TMPRSS15: variants seen among roughly 807,000 people sequenced by gnomAD.
TMPRSS15 encodes the protein enteropeptidase.
Under a neutral mutation model 125.3 loss-of-function variants are expected in TMPRSS15, and 128 were observed. The ratio of observed to expected loss-of-function variants is 1.02; its 90% CI spans 0.89 to 1.18. The LOEUF (loss-of-function observed/expected upper bound fraction) is 1.18, where lower values mean the gene tolerates loss of function less well. TMPRSS15 is among the 50% of genes most tolerant of loss of function. TMPRSS15 has a pLI of 0.00. For missense variants in TMPRSS15, 1,283 were observed against 1,212.7 expected (o/e 1.06, Z -0.86); for synonymous variants, 446 against 423.2 (o/e 1.05, Z -0.66).
intron 10 of TMPRSS15, among the ~76,000 whole-genome samples, chr21:18,349,218 ATT>A (rs2075539517): frequency 6.6e-6 from 1 of 152,162 alleles, no homozygotes; most frequent in South Asian, 2.1e-4. Context: ...TATGAACCTC[ATT>A]TGTCCTGAGC....
At position 18,362,177 on chromosome 21, in the gene TMPRSS15, T is replaced by C. The variant is rs116055344; in HGVS notation, c.774-2314A>G. Reference sequence around the variant, plus strand: ...AGGAAAGTAAAGCTAAGTTTGAAGCTGTTTAAATTCTGCCTCTGTTATGTC... The same window carrying C: ...AGGAAAGTAAAGCTAAGTTTGAAGCCGTTTAAATTCTGCCTCTGTTATGTC... On this transcript the variant is annotated intron_variant, in intron 7 of 24. Coordinates refer to ENST00000284885, the MANE Select transcript of TMPRSS15 (RefSeq NM_002772.3). Among the ~76,000 whole-genome samples, 1,098 of 152,258 alleles carry C rather than the reference T, an allele frequency of 7.2e-3. 14 individuals are homozygous for C. Among genetic ancestry groups the C allele is most frequent in the African/African-American group, 0.025 (1,055 of 41,562 alleles).
chr21:18,328,888 A>G (rs934219151), intron 15 of TMPRSS15, among the ~76,000 whole-genome samples: 1 of 152,220 alleles, frequency 6.6e-6, no homozygotes, highest in Non-Finnish European at 1.5e-5. Flanking sequence ...TGTATCCCAT[A>G]AATACACACA....
intron 3 of TMPRSS15, among the ~76,000 whole-genome samples, chr21:18,389,927 TC>T (rs2075976981): frequency 6.6e-6 from 1 of 152,200 alleles, no homozygotes. Context: ...ACTGTGTATC[TC>T]CAATGTCCTA....
At chr21:18,418,177 T>C (rs925472870) in intron 1 of TMPRSS15, among the ~76,000 whole-genome samples, 3 of 152,236 alleles carry the variant, frequency 2.0e-5, no homozygotes, top group African/African-American at 7.2e-5. Flanking sequence ...ATGGTTTCAT[T>C]TCACCCATTA....
At chr21:18,276,912 C>A (rs1259048140) in intron 23 of TMPRSS15, among the ~76,000 whole-genome samples, 1 of 151,792 alleles carries the variant, frequency 6.6e-6, no homozygotes, top group Non-Finnish European at 1.5e-5. Flanking sequence ...AGGTGTGTAC[C>A]ACCACGCCTG....
intron 1 of TMPRSS15, among the ~76,000 whole-genome samples, chr21:18,421,376 A>G (rs1174953250): frequency 6.6e-6 from 1 of 152,218 alleles, no homozygotes; most frequent in Non-Finnish European, 1.5e-5. Context: ...GTTACTGTGT[A>G]TAAAACTGTG....
At chr21:18,469,133 G>A (rs1460660926) in intron 1 of TMPRSS15, among the ~76,000 whole-genome samples, 2 of 152,138 alleles carry the variant, frequency 1.3e-5, no homozygotes, top group Non-Finnish European at 2.9e-5. Flanking sequence ...TGCACTGCCA[G>A]CAGTTTTCCT....
At chr21:18,480,723 A>T (rs1057135292) in intron 1 of TMPRSS15, among the ~76,000 whole-genome samples, 2 of 151,626 alleles carry the variant, frequency 1.3e-5, no homozygotes, top group Non-Finnish European at 2.9e-5. Context: ...TATCAAATCT[A>T]AAAAAAATCT....
chr21:18,386,213 G>A (rs937171271), intron 3 of TMPRSS15, among the ~76,000 whole-genome samples: 28 of 152,106 alleles, frequency 1.8e-4, no homozygotes, highest in African/African-American at 6.8e-4. Flanking sequence ...TTAGCAATGA[G>A]GACACTGAGG....
chr21:18,283,003 C>CT (rs2074719714), intron 21 of TMPRSS15, among the ~76,000 whole-genome samples: 2 of 152,276 alleles, frequency 1.3e-5, no homozygotes, highest in Admixed American at 1.3e-4. Flanking sequence ...GTGGCAGCTC[C>CT]TTAAGTGGCT....
At position 18,315,162 on chromosome 21, in the gene TMPRSS15, T is replaced by G; in HGVS notation, c.2016A>C (p.Ser672=). The G allele has an allele frequency of 6.2e-7, 1 of 1,613,390 alleles. No individual in the cohort carries two copies. The highest frequency in any genetic ancestry group is 8.5e-7 in the Non-Finnish European group (1 of 1,179,638). ...AAGACATACCACAATCTGCTTCATC[T>G]GAGCCATCCTCACAGTGCAGATGAC... The part of the protein sequence containing the change: ...CDGHLHCEDG[S]DEADCVRFFN... The change falls in exon 17 of 25, where the codon TCA becomes TCC. Residue 672 remains serine (S), a synonymous_variant. Coordinates refer to ENST00000284885, the MANE Select transcript of TMPRSS15 (RefSeq NM_002772.3).
At chr21:18,392,646 C>A (rs1041649217) in intron 3 of TMPRSS15, among the ~76,000 whole-genome samples, 1 of 152,138 alleles carries the variant, frequency 6.6e-6, no homozygotes, top group African/African-American at 2.4e-5. Flanking sequence ...ATGGCAGTAC[C>A]CCATTCCTGG....
In TMPRSS15 at chr21:18,398,462, T is replaced by C. The variant is rs2076062535; in HGVS notation, c.146-133A>G. 4.6e-6 allele frequency: 4 copies of C among 874,370 alleles called. No homozygotes were observed. The East Asian group carries it at 1.1e-4, about 23-fold the overall frequency. 54.2% of individuals were successfully genotyped at this position (874,370 alleles called of 1,614,324 possible). On this transcript the variant is annotated intron_variant, in intron 1 of 24. Transcript: ENST00000284885. ...CTCTGTAGTTCTTGCTTTTTCTTTG[T>C]AGTCTCATGTTTCAAAATCAGCTGC... is the stretch of plus-strand genomic sequence containing the variant.
At chr21:18,442,684 C>T (rs886168507) in intron 1 of TMPRSS15, among the ~76,000 whole-genome samples, 1 of 152,156 alleles carries the variant, frequency 6.6e-6, no homozygotes, top group Non-Finnish European at 1.5e-5. Flanking sequence ...GCTAGTTGAT[C>T]AGAGTTCAAA....
chr21:18,315,129 C>T lies in TMPRSS15; in HGVS notation c.2032+17G>A. 6.3e-7 allele frequency: 1 copy of T among 1,595,976 alleles called. No homozygotes were observed. Among genetic ancestry groups the T allele is most frequent in the Non-Finnish European group, 8.6e-7 (1 of 1,165,242 alleles). On this transcript the variant is annotated intron_variant, in intron 17 of 24. Coordinates refer to ENST00000284885, the MANE Select transcript of TMPRSS15 (RefSeq NM_002772.3). The stretch of plus-strand genomic sequence containing the variant: ...AGGCTAAAGTCATAAAAGTATTTTC[C>T]TAAAAATAAGACATACCACAATCTG...
intron 24 of TMPRSS15, among the ~76,000 whole-genome samples, chr21:18,271,529 T>C (rs2074556080): frequency 6.6e-6 from 1 of 152,190 alleles, no homozygotes. Flanking sequence ...TTTCCATTAC[T>C]TCTTGTCATC....
At chr21:18,372,128 G>GTGTGTGTC in intron 6 of TMPRSS15, 65 bp downstream of exon 6, 6 of 1,367,488 alleles carry the variant, frequency 4.4e-6, no homozygotes, top group Non-Finnish European at 5.2e-6. Flanking sequence ...GTGTGTGTGT[G>GTGTGTGTC]TGTGTGTGTG....
At position 18,312,958 on chromosome 21, in the gene TMPRSS15, G is replaced by T. The variant is rs552186062; in HGVS notation, c.2152C>A (p.Leu718Met). 8.1e-6 allele frequency: 13 copies of T among 1,613,732 alleles called. No homozygotes were observed. In the African/African-American group the frequency reaches 1.7e-4, roughly 22 times the overall value. ...AGAATTACTTACCCTAGTCCCAGCA[G>T]TTGACAAACATCATTTGAAATCTGG... Reference protein sequence around the residue: ...TTQISNDVCQLLGLGSGNSSK... With the variant: ...TTQISNDVCQMLGLGSGNSSK... The change falls in exon 18 of 25, where the codon CTG (leucine) becomes ATG (methionine). Residue 718 changes from leucine to methionine, a missense_variant. By Grantham distance (15) the Leu-to-Met change is conservative (BLOSUM62 2). Coordinates refer to ENST00000284885, the MANE Select transcript of TMPRSS15 (RefSeq NM_002772.3).
chr21:18,435,495 G>T (rs954149511), intron 1 of TMPRSS15, among the ~76,000 whole-genome samples: 17 of 152,022 alleles, frequency 1.1e-4, no homozygotes, highest in African/African-American at 3.9e-4. Context: ...TTGTTCATGG[G>T]GGATAAGCTT....
Sources: gnomAD v4.1 joint callset for allele counts (sites outside exome capture counted in the v4.1 genomes callset) on GRCh38, gnomAD v4.1.1 for gene constraint, MANE v1.5 for transcripts, NCBI Gene and HGNC (gene_info 2026-07-23, HGNC 2026-07-21) for gene names.